The following RBFOX1 variants were observed in gnomAD, a reference collection of about 807,000 sequenced individuals.
RBFOX1 encodes the protein RNA binding fox-1 homolog 1.
In RBFOX1, 8 loss-of-function variants were observed where a neutral mutation model predicts 57.7. The observed-to-expected ratio is 0.14, with a 90% CI of 0.08 to 0.25. The LOEUF (loss-of-function observed/expected upper bound fraction) is 0.25, where lower values mean the gene tolerates loss of function less well. RBFOX1 is among the 10% of genes least tolerant of loss of function. RBFOX1 has a pLI of 1.00. For missense variants in RBFOX1, 611 were observed against 548.5 expected (o/e 1.11, Z -1.14); for synonymous variants, 326 against 222.4 (o/e 1.47, Z -4.15).
intron 2 of RBFOX1, among the ~76,000 whole-genome samples, chr16:5,560,511 G>C (rs1206020824): frequency 1.3e-5 from 2 of 152,176 alleles, no homozygotes; most frequent in East Asian, 1.9e-4. Flanking sequence ...AACTCTAGGA[G>C]GGCAAGGCCC....
chr16:7,354,413 C>T (rs149671496), intron 4 of RBFOX1, among the ~76,000 whole-genome samples: 2 of 152,044 alleles, frequency 1.3e-5, no homozygotes, highest in East Asian at 1.9e-4. Context: ...GCCTGTTTTC[C>T]CTCAGGAAAT....
intron 3 of RBFOX1, among the ~76,000 whole-genome samples, chr16:6,771,507 A>C (rs2078288938): frequency 6.6e-6 from 1 of 152,078 alleles, no homozygotes; most frequent in Non-Finnish European, 1.5e-5. Context: ...CAGTCCTAGC[A>C]AACCCTAGCA....
At chr16:5,530,674 C>G (rs541530921) in intron 2 of RBFOX1, among the ~76,000 whole-genome samples, 6 of 152,278 alleles carry the variant, frequency 3.9e-5, no homozygotes, top group Admixed American at 6.5e-5. Context: ...CAGCAGCCAC[C>G]TCTTCCCAAC....
chr16:6,923,488 A>G (rs1473489992), intron 3 of RBFOX1, among the ~76,000 whole-genome samples: 2 of 152,116 alleles, frequency 1.3e-5, no homozygotes, highest in Admixed American at 6.6e-5. Flanking sequence ...AGCCAATATC[A>G]CAACACTGCA....
intron 7 of RBFOX1, among the ~76,000 whole-genome samples, chr16:7,588,284 C>T (rs1341454091): frequency 6.6e-6 from 1 of 152,136 alleles, no homozygotes; most frequent in Non-Finnish European, 1.5e-5. Context: ...GGTCCCAGAC[C>T]AGGAATATCA....
intron 4 of RBFOX1, among the ~76,000 whole-genome samples, chr16:7,105,700 A>G (rs527521984): frequency 2.0e-5 from 3 of 152,012 alleles, no homozygotes; most frequent in Non-Finnish European, 4.4e-5. Context: ...CTCTCTATAT[A>G]TATCTATCTA....
At chr16:6,753,138 A>G (rs1211374765) in intron 3 of RBFOX1, among the ~76,000 whole-genome samples, 2 of 152,174 alleles carry the variant, frequency 1.3e-5, no homozygotes, top group Non-Finnish European at 2.9e-5. Flanking sequence ...TGTAGGGGGT[A>G]TTTTAATGAT....
At chr16:7,353,930 A>G (rs2097170708) in intron 4 of RBFOX1, among the ~76,000 whole-genome samples, 2 of 152,166 alleles carry the variant, frequency 1.3e-5, no homozygotes, top group African/African-American at 4.8e-5. Context: ...ACAGTTGTAC[A>G]GTTTTGTGAA....
chr16:6,629,785 C>T (rs970865124), intron 2 of RBFOX1, among the ~76,000 whole-genome samples: 6 of 152,168 alleles, frequency 3.9e-5, no homozygotes, highest in East Asian at 1.9e-4. Context: ...GAGATAGCTT[C>T]GCTATTAGCC....
chr16:6,919,616 A>G (rs527890281), intron 3 of RBFOX1, among the ~76,000 whole-genome samples: 8 of 152,276 alleles, frequency 5.3e-5, no homozygotes, highest in African/African-American at 1.9e-4. Flanking sequence ...TCTTCGAACA[A>G]GTATCTGGAA....
At chr16:7,633,069 T>C (rs1033457431) in intron 11 of RBFOX1, among the ~76,000 whole-genome samples, 6 of 152,196 alleles carry the variant, frequency 3.9e-5, no homozygotes, top group Non-Finnish European at 7.3e-5. Context: ...AGCCAGCCCA[T>C]GGCCTGTGTT....
At chr16:5,958,596 A>C (rs143539090) in intron 4 of RBFOX1, among the ~76,000 whole-genome samples, 233 of 152,352 alleles carry the variant, frequency 1.5e-3, no homozygotes, top group Non-Finnish European at 2.3e-3. Context: ...CAGGTGTATT[A>C]CTTTCCTTTT....
chr16:6,908,041 A>C (rs1212831324), intron 3 of RBFOX1, among the ~76,000 whole-genome samples: 2 of 151,694 alleles, frequency 1.3e-5, no homozygotes, highest in African/African-American at 2.4e-5. Context: ...GGCCTATCCA[A>C]ATCATCTTTA....
Position 7,119,761 on chromosome 16 carries a change from T to A in RBFOX1, c.27+67663T>A, listed in dbSNP as rs374774252. Among the ~76,000 whole-genome samples, 58 of 151,776 alleles carry A rather than the reference T, an allele frequency of 3.8e-4. No homozygotes were observed. The East Asian group carries it at 4.3e-3, about 11-fold the overall frequency. ...AAGAGAAATGGAGAGTCTACAAACA[T>A]AAGTGAAGTCTGTCTCACTATTTGA... On this transcript the variant is annotated intron_variant, in intron 4 of 15. Transcript: ENST00000550418.
intron 2 of RBFOX1, among the ~76,000 whole-genome samples, chr16:6,484,065 T>C (rs1227654616): frequency 2.0e-5 from 3 of 152,178 alleles, no homozygotes; most frequent in African/African-American, 7.2e-5. Flanking sequence ...CGATTTTCTT[T>C]ACCCACTGGA....
chr16:5,832,210 C>G (rs918124190), intron 3 of RBFOX1, among the ~76,000 whole-genome samples: 2 of 152,204 alleles, frequency 1.3e-5, no homozygotes, highest in African/African-American at 4.8e-5. Flanking sequence ...TGGAGCTCAA[C>G]AGATATGGGG....
chr16:5,863,936 G>T lies in RBFOX1; in HGVS notation c.319-3367G>T, dbSNP rs565473812. Reference sequence around the variant, plus strand: ...TTTCTTTTAACTTTTAAGCTCAGAGGTACATATTGCAGGTTACAAAGGTAA... The same window carrying T: ...TTTCTTTTAACTTTTAAGCTCAGAGTTACATATTGCAGGTTACAAAGGTAA... On this transcript the variant is annotated intron_variant, in intron 3 of 19. Transcript: ENST00000641259. 9.2e-5 allele frequency among the ~76,000 whole-genome samples: 14 copies of T among 152,218 alleles called. 1 individual carries two copies. The South Asian group carries it at 1.7e-3, about 18-fold the overall frequency.
At position 6,575,788 on chromosome 16, in the gene RBFOX1, T is replaced by C. The variant is rs377547975; in HGVS notation, c.-63-78815T>C. 3.6e-4 allele frequency among the ~76,000 whole-genome samples: 54 copies of C among 150,520 alleles called. No homozygotes were observed. The East Asian group carries it at 7.2e-3, about 20-fold the overall frequency. On this transcript the variant is annotated intron_variant, in intron 2 of 15. Transcript: ENST00000550418. The stretch of plus-strand genomic sequence containing the variant: ...AGGAGAATCGCTTGAACCCAGGAGG[T>C]GGAGGTTGTAGTTAGCCAAGATCAC...
chr16:6,830,499 C>A (rs1163039439), intron 3 of RBFOX1, among the ~76,000 whole-genome samples: 1 of 152,110 alleles, frequency 6.6e-6, no homozygotes, highest in Non-Finnish European at 1.5e-5. Flanking sequence ...GCCAGGAGTT[C>A]TCAACTGAGA....
Sources: gnomAD v4.1 joint callset for allele counts (sites outside exome capture counted in the v4.1 genomes callset) on GRCh38, gnomAD v4.1.1 for gene constraint, MANE v1.5 for transcripts, NCBI Gene and HGNC (gene_info 2026-07-23, HGNC 2026-07-21) for gene names.